Variants in PRKN observed in about 807,000 individuals in gnomAD.
The protein encoded by PRKN is parkin RBR E3 ubiquitin protein ligase, also known as E3 ubiquitin-protein ligase parkin.
Under a neutral mutation model 59.5 loss-of-function variants are expected in PRKN, and 56 were observed. That is an observed-to-expected ratio of 0.94 (90% CI 0.76 to 1.18). The LOEUF (loss-of-function observed/expected upper bound fraction) is 1.18, where lower values mean the gene tolerates loss of function less well. Ranked by LOEUF, PRKN falls within the 50% of genes most tolerant of loss-of-function variation. PRKN has a pLI of 0.00. For missense variants in PRKN, 657 were observed against 596.4 expected (o/e 1.10, Z -1.06); for synonymous variants, 250 against 222.1 (o/e 1.13, Z -1.12).
chr6:162,054,195 A>G (rs747262712), intron 4 of PRKN, 21 bp from the exon 5 acceptor site: 15 of 1,359,538 alleles, frequency 1.1e-5, no homozygotes, highest in Non-Finnish European at 1.4e-5. Context: ...AAACAACAAT[A>G]TATGCTTATA....
At chr6:162,344,785 A>G (rs1359858435) in intron 2 of PRKN, among the ~76,000 whole-genome samples, 2 of 152,148 alleles carry the variant, frequency 1.3e-5, no homozygotes, top group Admixed American at 1.3e-4. Flanking sequence ...TTGAAAATGG[A>G]TGTGCCCCAG....
intron 1 of PRKN, among the ~76,000 whole-genome samples, chr6:162,713,891 T>C (rs530266127): frequency 6.6e-6 from 1 of 152,316 alleles, no homozygotes; most frequent in East Asian, 1.9e-4. Context: ...TATTCTAAAA[T>C]GACTGCTCTG....
intron 6 of PRKN, among the ~76,000 whole-genome samples, chr6:161,904,308 GGTTTTTTTTTT>G (rs1183052566): frequency 1.7e-5 from 2 of 114,436 alleles, no homozygotes; most frequent in Non-Finnish European, 3.5e-5. Flanking sequence ...GAATTTGTGG[GGTTTTTTTTTT>G]TTTTTTTTTT....
intron 3 of PRKN, among the ~76,000 whole-genome samples, chr6:162,251,914 A>T (rs1370530419): frequency 6.6e-6 from 1 of 152,194 alleles, no homozygotes; most frequent in Non-Finnish European, 1.5e-5. Context: ...ATTTTTTACT[A>T]ATATAAACAG....
chr6:162,431,592 T>C (rs1789532630), intron 2 of PRKN, among the ~76,000 whole-genome samples: 1 of 152,038 alleles, frequency 6.6e-6, no homozygotes, highest in African/African-American at 2.4e-5. Context: ...CAAAACTATT[T>C]ATAGGTTAAA....
intron 7 of PRKN, among the ~76,000 whole-genome samples, chr6:161,653,224 C>T (rs948446484): frequency 2.0e-5 from 3 of 152,082 alleles, no homozygotes; most frequent in South Asian, 4.1e-4. Flanking sequence ...AATAGCTGGG[C>T]GTGGTGGCGC....
intron 9 of PRKN, among the ~76,000 whole-genome samples, chr6:161,535,269 G>A (rs1258643014): frequency 1.3e-5 from 2 of 152,150 alleles, no homozygotes; most frequent in African/African-American, 2.4e-5. Flanking sequence ...AGAGTTAGAG[G>A]TCTAATTTCT....
chr6:162,649,290 T>C (rs1265238168), intron 1 of PRKN, among the ~76,000 whole-genome samples: 3 of 152,214 alleles, frequency 2.0e-5, no homozygotes, highest in East Asian at 3.8e-4. Context: ...AGTTTAGTGG[T>C]ACTAAGATGA....
intron 2 of PRKN, among the ~76,000 whole-genome samples, chr6:162,321,172 T>G (rs750960914): frequency 1.3e-5 from 2 of 151,802 alleles, no homozygotes; most frequent in African/African-American, 2.4e-5. Context: ...ATTACCAATG[T>G]CAGAAACAAG....
intron 2 of PRKN, among the ~76,000 whole-genome samples, chr6:162,359,352 C>T (rs1387648581): frequency 1.3e-5 from 2 of 151,898 alleles, no homozygotes; most frequent in Non-Finnish European, 2.9e-5. Flanking sequence ...AGAGCCCTAA[C>T]ATGGCCAATT....
At position 162,443,295 on chromosome 6, in the gene PRKN, C is replaced by T. The variant is rs997074952; in HGVS notation, c.171+15G>A. 15 of 1,612,128 alleles carry T rather than the reference C, an allele frequency of 9.3e-6. No homozygotes were observed. Among genetic ancestry groups the T allele is most frequent in the Non-Finnish European group, 1.3e-5 (15 of 1,179,972 alleles). On this transcript the variant is annotated intron_variant, in intron 2 of 11. Transcript: ENST00000366898. Reference sequence around the variant, plus strand: ...GCTGGCGGCATCCCAAGAACGGCCGCCAAGGGAGACTCACCTGCACAGTCC... The same window carrying T: ...GCTGGCGGCATCCCAAGAACGGCCGTCAAGGGAGACTCACCTGCACAGTCC...
intron 6 of PRKN, among the ~76,000 whole-genome samples, chr6:161,871,814 T>C (rs1583276081): frequency 6.6e-6 from 1 of 152,164 alleles, no homozygotes; most frequent in Non-Finnish European, 1.5e-5. Flanking sequence ...GTGTTCAGAA[T>C]ACTTAACATA....
chr6:161,572,443 C>A (rs1441740677), intron 7 of PRKN, among the ~76,000 whole-genome samples: 1 of 152,018 alleles, frequency 6.6e-6, no homozygotes, highest in African/African-American at 2.4e-5. Flanking sequence ...AGGAGGATCA[C>A]AAGGTCAGGA....
At chr6:162,439,530 T>A (rs1789950763) in intron 2 of PRKN, among the ~76,000 whole-genome samples, 1 of 152,182 alleles carries the variant, frequency 6.6e-6, no homozygotes. Context: ...CTAAAATCCC[T>A]ACTCTGTCCA....
chr6:161,871,953 C>T (rs1231257663), intron 6 of PRKN, among the ~76,000 whole-genome samples: 1 of 152,154 alleles, frequency 6.6e-6, no homozygotes, highest in African/African-American at 2.4e-5. Flanking sequence ...TAATAATCCT[C>T]TCATTTAATT....
chr6:161,877,461 ATTTTTT>A (rs35664661), intron 6 of PRKN, among the ~76,000 whole-genome samples: 1 of 141,332 alleles, frequency 7.1e-6, no homozygotes, highest in African/African-American at 2.6e-5. Flanking sequence ...ACATATTTGC[ATTTTTT>A]TTTTTTTTTT....
chr6:162,574,073 C>T (rs1780457338), intron 1 of PRKN, among the ~76,000 whole-genome samples: 1 of 152,098 alleles, frequency 6.6e-6, no homozygotes, highest in South Asian at 2.1e-4. Context: ...TATCTTGGGT[C>T]CCAGTCCACC....
At chr6:161,838,955 C>G (rs973704671) in intron 6 of PRKN, among the ~76,000 whole-genome samples, 1 of 152,160 alleles carries the variant, frequency 6.6e-6, no homozygotes, top group Non-Finnish European at 1.5e-5. Flanking sequence ...GCACAAGCCC[C>G]ACCCAGGAGC....
intron 4 of PRKN, among the ~76,000 whole-genome samples, chr6:162,194,854 A>G (rs559644688): frequency 3.6e-4 from 55 of 152,188 alleles, no homozygotes; most frequent in African/African-American, 1.2e-3. Context: ...GTGAGTGTGC[A>G]TCATTTGTGT....
Sources: gnomAD v4.1 joint callset for allele counts (sites outside exome capture counted in the v4.1 genomes callset) on GRCh38, gnomAD v4.1.1 for gene constraint, MANE v1.5 for transcripts, NCBI Gene and HGNC (gene_info 2026-07-23, HGNC 2026-07-21) for gene names.